SMG7: variants seen among roughly 807,000 people sequenced by gnomAD.
SMG7 encodes SMG7 nonsense mediated mRNA decay factor.
A neutral mutation model predicts 148.2 loss-of-function variants in SMG7; 34 were observed. That is an observed-to-expected ratio of 0.23 (90% confidence interval 0.17 to 0.31). The LOEUF is 0.31. Among genes scored for constraint, SMG7 ranks in the 10% least tolerant of loss-of-function variants. The pLI, the probability that SMG7 is intolerant of heterozygous loss-of-function variation, is 1.00. For synonymous variants in SMG7, 492 were observed against 515.1 expected, an observed-to-expected ratio of 0.96 and a Z score of 0.61; for missense variants, 1,114 against 1,408.4, an observed-to-expected ratio of 0.79 and a Z score of 3.35.
chr1:183,473,688 A>G, intron 1 of SMG7: 2 of 950,272 alleles, frequency 2.1e-6, no homozygotes, highest in African/African-American at 1.8e-5. Flanking sequence ...AGAAAAGGGG[A>G]AGACTTTAAA....
At chr1:183,503,652 A>T (rs970218698) in intron 1 of SMG7, among the ~76,000 whole-genome samples, 5 of 152,196 alleles carry the variant, frequency 3.3e-5, no homozygotes, top group African/African-American at 1.2e-4. Flanking sequence ...AGGGAGGGAC[A>T]CCTGACTAGC....
chr1:183,507,919 A>G (rs1661285614), intron 1 of SMG7, among the ~76,000 whole-genome samples: 1 of 151,984 alleles, frequency 6.6e-6, no homozygotes. Context: ...AATTTTTCCT[A>G]TTATTTAATA....
At position 183,545,116 on chromosome 1, in the gene SMG7, G is replaced by A; in HGVS notation, c.2174G>A (p.Gly725Glu). ...HIPYSQQRPS[G>E]PGPMNQGPQQ... The stretch of plus-strand genomic sequence containing the variant: ...CCTTACAGCCAGCAACGGCCCTCTG[G>A]ACCAGGGCCAATGAACCAGGGACCT... The change falls in exon 16 of 23, where the codon GGA becomes GAA. Residue 725 changes from glycine to glutamate, a missense_variant. Transcript: ENST00000688051. 1 of 1,613,922 alleles carries A rather than the reference G, an allele frequency of 6.2e-7. No individual in the cohort carries two copies. Among genetic ancestry groups the A allele is most frequent in the Middle Eastern group, 1.7e-4 (1 of 6,060 alleles).
intron 11 of SMG7, among the ~76,000 whole-genome samples, chr1:183,537,424 C>G (rs1304482707): frequency 1.3e-5 from 2 of 152,124 alleles, no homozygotes; most frequent in Admixed American, 6.5e-5. Flanking sequence ...TAGCATCATT[C>G]AAATAGGAGT....
Position 183,553,205 on chromosome 1 carries a change from CT to C in SMG7, c.*1277del. The C allele has an allele frequency of 6.5e-7, 1 of 1,531,868 alleles. No individual in the cohort carries two copies. Among genetic ancestry groups the C allele is most frequent in the Non-Finnish European group, 8.7e-7 (1 of 1,143,262 alleles). The allele number at this position is 1,531,868 out of a possible 1,614,324, so 94.9% of individuals were successfully genotyped here. A position where few individuals can be genotyped will look rare whatever the true frequency, so the allele number is the denominator to read the frequency against. On this transcript the variant is annotated 3_prime_UTR_variant, in exon 23 of 23. Transcript: ENST00000688051. ...GAGACGAAAGAAAGGAAAATAAACT[CT>C]TTGTATGATATTTATTAGGAGGAAA...
At chr1:183,495,628 T>C (rs956122251) in intron 1 of SMG7, among the ~76,000 whole-genome samples, 1 of 152,108 alleles carries the variant, frequency 6.6e-6, no homozygotes, top group African/African-American at 2.4e-5. Flanking sequence ...CCCAGCACTT[T>C]GGGAGGCCGA....
chr1:183,486,281 G>A (rs1655400457), intron 1 of SMG7, among the ~76,000 whole-genome samples: 1 of 152,200 alleles, frequency 6.6e-6, no homozygotes. Flanking sequence ...ATTTCTCAGA[G>A]TAATTGACAT....
intron 11 of SMG7, among the ~76,000 whole-genome samples, chr1:183,537,844 A>G (rs1205892155): frequency 6.6e-6 from 1 of 152,180 alleles, no homozygotes; most frequent in East Asian, 1.9e-4. Context: ...TTTCCCCATT[A>G]TAAATAAATA....
chr1:183,526,893 A>G (rs779205056), intron 5 of SMG7, 126 bp downstream of exon 5: 21 of 727,108 alleles, frequency 2.9e-5, no homozygotes, highest in East Asian at 6.0e-5. Context: ...AGAAGAAACT[A>G]TAAAATGTAT....
chr1:183,553,610 C>A lies in SMG7; in HGVS notation c.*1679C>A, dbSNP rs541115225. The A allele has an allele frequency of 1.1e-4, 16 of 150,156 alleles. 1 individual carries two copies. Among genetic ancestry groups the A allele is most frequent in the African/African-American group, 1.5e-4 (6 of 40,606 alleles). The allele number at this position is 150,156 out of a possible 1,614,324, so 9.3% of individuals were successfully genotyped here. ...GCTCTTCAGAGAGAGTGGTTGGAGC[C>A]CCCCCCGCCCCGTATGCTTACATTA... On this transcript the variant is annotated 3_prime_UTR_variant, in exon 23 of 23. Coordinates refer to ENST00000688051, the MANE Select transcript of SMG7 (RefSeq NM_001375584.1).
chr1:183,513,024 T>C (rs1384244322), intron 2 of SMG7, 156 bp downstream of exon 2: 1 of 628,586 alleles, frequency 1.6e-6, no homozygotes, highest in Non-Finnish European at 2.6e-6. Context: ...ATTGTTTATG[T>C]AGTTTGAATT....
At position 183,523,771 on chromosome 1, in the gene SMG7, T is replaced by A. The variant is rs113358026; in HGVS notation, c.313-2825T>A. ...TTTTATTACAAGACATTCTACATGA[T>A]GTTCCAACCATAATTTTATTTATTT... On this transcript the variant is annotated intron_variant, in intron 4 of 22. Coordinates refer to ENST00000688051, the MANE Select transcript of SMG7 (RefSeq NM_001375584.1). 2.1e-3 allele frequency among the ~76,000 whole-genome samples: 325 copies of A among 152,300 alleles called. 3 individuals are homozygous for A. Among genetic ancestry groups the A allele is most frequent in the African/African-American group, 7.3e-3 (302 of 41,582 alleles).
Position 183,545,046 on chromosome 1 carries a change from T to G in SMG7, c.2104T>G (p.Ser702Ala). 6.2e-7 allele frequency: 1 copy of G among 1,613,994 alleles called. No individual in the cohort carries two copies. Among genetic ancestry groups the G allele is most frequent in the Non-Finnish European group, 8.5e-7 (1 of 1,179,986 alleles). The change falls in exon 16 of 23, where the codon TCT becomes GCT. Residue 702 changes from serine to alanine, a missense_variant. Ser to Ala is a moderately conservative substitution (Grantham distance 99). Around this residue, in one of 4 missense-constraint regions of SMG7, gnomAD observed 788 missense variants for 894.5 expected, o/e 0.88. Coordinates refer to ENST00000688051, the MANE Select transcript of SMG7 (RefSeq NM_001375584.1). ...PGTFLQPTAH[S>A]PAGNQVQAGK... Reference sequence around the variant, plus strand: ...AACCTTTCTTCAGCCTACAGCTCACTCTCCAGCAGGAAACCAGGTGCAAGC... The same window carrying G: ...AACCTTTCTTCAGCCTACAGCTCACGCTCCAGCAGGAAACCAGGTGCAAGC...
At chr1:183,502,680 A>T (rs1234277924) in intron 1 of SMG7, among the ~76,000 whole-genome samples, 2 of 152,200 alleles carry the variant, frequency 1.3e-5, no homozygotes, top group Admixed American at 1.3e-4. Flanking sequence ...GTCTCTGAAT[A>T]TTTATGATAA....
intron 9 of SMG7, 141 bp from the exon 10 acceptor site, chr1:183,533,535 G>A: frequency 1.1e-6 from 1 of 879,276 alleles, no homozygotes; most frequent in Non-Finnish European, 1.7e-6. Flanking sequence ...TTTTTAATAT[G>A]GGAAAGAAAG....
chr1:183,496,586 A>G (rs1298355196), intron 1 of SMG7, among the ~76,000 whole-genome samples: 1 of 152,116 alleles, frequency 6.6e-6, no homozygotes, highest in Non-Finnish European at 1.5e-5. Context: ...TTTCAGGAGC[A>G]TTTATTGATT....
intron 7 of SMG7, 54 bp from the exon 8 acceptor site, chr1:183,529,344 A>G: frequency 1.3e-6 from 2 of 1,585,802 alleles, no homozygotes; most frequent in East Asian, 2.2e-5. Flanking sequence ...CTCCTTAAAC[A>G]GTTGTAGCCA....
chr1:183,525,765 G>A (rs1205529800), intron 4 of SMG7, among the ~76,000 whole-genome samples: 2 of 152,144 alleles, frequency 1.3e-5, no homozygotes, highest in Admixed American at 1.3e-4. Flanking sequence ...ACAGAGAAGA[G>A]AGGAGGTAGG....
At chr1:183,530,508 T>C (rs142844006) in intron 8 of SMG7, among the ~76,000 whole-genome samples, 3 of 152,272 alleles carry the variant, frequency 2.0e-5, no homozygotes, top group African/African-American at 7.2e-5. Flanking sequence ...AGGTTGGGTG[T>C]GTGAAAGGAA....
Sources: allele counts gnomAD v4.1 joint callset (sites outside exome capture counted in the v4.1 genomes callset), GRCh38; gene constraint gnomAD v4.1.1; regional missense constraint gnomAD v4.1.1; transcripts MANE v1.5; gene names NCBI Gene and HGNC (gene_info 2026-07-23, HGNC 2026-07-21).